MYOM1: variants seen among roughly 807,000 people sequenced by gnomAD.
MYOM1 encodes the protein myomesin-1.
A neutral mutation model predicts 205.3 loss-of-function variants in MYOM1; 164 were observed. The observed-to-expected ratio is 0.80, with a 90% CI of 0.70 to 0.91. The LOEUF is 0.91. Ranked by LOEUF, MYOM1 falls within the 40% of genes least tolerant of loss-of-function variation. The pLI is 0.00. For missense variants in MYOM1, 2,011 were observed against 2,127.3 expected, an observed-to-expected ratio of 0.95 and a Z score of 1.08; for synonymous variants, 772 against 789.4, an observed-to-expected ratio of 0.98 and a Z score of 0.37.
rs913259879 is a variant in MYOM1 at position 3,129,481 on chromosome 18, C to T, written c.2545G>A (p.Asp849Asn). Residue 849 changes from aspartate to asparagine, a missense_variant, in exon 18 of 38, where the codon GAT becomes AAT. By Grantham distance (23) the Asp-to-Asn change is conservative. Transcript: ENST00000356443. ...VSPDVCPALS[D>N]EPGGLTASRG... ...GAGGCGGTTAGTCCACCAGGCTCAT[C>T]GCTCAGTGCGGGACACACATCTGGA... is the stretch of plus-strand genomic sequence containing the variant. 8 of 1,613,866 alleles carry T rather than the reference C, an allele frequency of 5.0e-6. No individual in the cohort carries two copies. Among genetic ancestry groups the T allele is most frequent in the African/African-American group, 1.3e-5 (1 of 75,038 alleles).
At chr18:3,202,080 G>A (rs2144211334) in intron 2 of MYOM1, among the ~76,000 whole-genome samples, 1 of 152,254 alleles carries the variant, frequency 6.6e-6, no homozygotes, top group East Asian at 1.9e-4. Flanking sequence ...CTATATTAGA[G>A]GAAAGTTTCT....
chr18:3,081,995 G>A (rs1433207335), intron 33 of MYOM1, among the ~76,000 whole-genome samples: 4 of 152,208 alleles, frequency 2.6e-5, no homozygotes, highest in Admixed American at 2.0e-4. Flanking sequence ...AGACCAGGTC[G>A]GGGGTGGGTT....
At chr18:3,188,205 A>G (rs945797904) in intron 4 of MYOM1, among the ~76,000 whole-genome samples, 3 of 152,122 alleles carry the variant, frequency 2.0e-5, no homozygotes, top group Admixed American at 6.5e-5. Context: ...CTTAAAACCT[A>G]AAATTCCATG....
chr18:3,142,037 C>G lies in MYOM1; in HGVS notation c.1927G>C (p.Asp643His). Residue 643 changes from aspartate (D) to histidine (H), a missense_variant, in exon 14 of 38, where the codon GAC (aspartate) becomes CAC (histidine). Coordinates refer to ENST00000356443, the MANE Select transcript of MYOM1 (RefSeq NM_003803.4). ...SEGIVPGPPT[D>H]LSVTEATRSY... ...CGGGTGGCCTCAGTGACAGAGAGGT[C>G]TGTCGGGGGGCCAGGCACAATACCC... 2 of 1,613,770 alleles carry G rather than the reference C, an allele frequency of 1.2e-6. No individual in the cohort carries two copies. The highest frequency in any genetic ancestry group is 2.7e-5 in the African/African-American group (2 of 74,990).
chr18:3,227,729 G>T, the MYOM1 span, among the ~76,000 whole-genome samples: 1 of 152,092 alleles, frequency 6.6e-6, no homozygotes, highest in African/African-American at 2.4e-5. Context: ...TGAGGCAGGA[G>T]AATCGCTTGA....
At chr18:3,072,700 G>GTT (rs397948100) in intron 36 of MYOM1, among the ~76,000 whole-genome samples, 1 of 149,680 alleles carries the variant, frequency 6.7e-6, no homozygotes, top group African/African-American at 2.5e-5. Context: ...GTGTGTGTGT[G>GTT]GGGGGCGGTG....
chr18:3,132,031 T>TTA (rs33960225), intron 16 of MYOM1, among the ~76,000 whole-genome samples: 15 of 146,092 alleles, frequency 1.0e-4, no homozygotes, highest in African/African-American at 3.7e-4. Context: ...ATTAATATTA[T>TTA]TATATATATG....
chr18:3,146,167 G>A (rs770334205), intron 13 of MYOM1, among the ~76,000 whole-genome samples: 63 of 151,880 alleles, frequency 4.1e-4, no homozygotes, highest in Non-Finnish European at 3.1e-4. Context: ...GGCTCTGCTG[G>A]TAAATTATAC....
chr18:3,178,347 C>T (rs764120899), intron 5 of MYOM1, among the ~76,000 whole-genome samples: 1 of 152,192 alleles, frequency 6.6e-6, no homozygotes, highest in Non-Finnish European at 1.5e-5. Flanking sequence ...CAGGAACTTG[C>T]CCAGTCACAC....
intron 10 of MYOM1, among the ~76,000 whole-genome samples, chr18:3,158,433 G>C (rs1174811595): frequency 6.6e-6 from 1 of 152,084 alleles, no homozygotes; most frequent in African/African-American, 2.4e-5. Flanking sequence ...CTTAGAACTA[G>C]AATTGTTGGA....
chr18:3,143,066 T>C (rs1488529669), intron 13 of MYOM1, among the ~76,000 whole-genome samples: 2 of 152,022 alleles, frequency 1.3e-5, no homozygotes, highest in Non-Finnish European at 2.9e-5. Flanking sequence ...ACAAGATATA[T>C]GAAGAAAGCT....
At chr18:3,185,683 AT>A (rs941291265) in intron 5 of MYOM1, among the ~76,000 whole-genome samples, 2 of 152,106 alleles carry the variant, frequency 1.3e-5, no homozygotes, top group African/African-American at 4.8e-5. Flanking sequence ...TTGTAAATTG[AT>A]TTTTTTAAAC....
chr18:3,188,867 T>C lies in MYOM1; in HGVS notation c.652A>G (p.Arg218Gly). Residue 218 changes from arginine (R) to glycine (G), a missense_variant, in exon 4 of 38, where the codon AGG becomes GGG. Coordinates refer to ENST00000356443, the MANE Select transcript of MYOM1 (RefSeq NM_003803.4). ...GCCTGTTTGGAAACCACAGACTGCCTGGATGCCGTGGACTGCCTGGATGCC... is the reference window on the plus strand; with the variant it reads ...GCCTGTTTGGAAACCACAGACTGCCCGGATGCCGTGGACTGCCTGGATGCC... ...STASRQSTAS[R>G]QSVVSKQATS... 1 of 1,609,146 alleles carries C rather than the reference T, an allele frequency of 6.2e-7. No homozygotes were observed. Among genetic ancestry groups the C allele is most frequent in the Non-Finnish European group, 8.5e-7 (1 of 1,176,220 alleles).
intron 26 of MYOM1, among the ~76,000 whole-genome samples, chr18:3,093,010 G>A (rs1268226623): frequency 6.6e-6 from 1 of 152,150 alleles, no homozygotes; most frequent in Non-Finnish European, 1.5e-5. Flanking sequence ...TGACCAGGTG[G>A]TGATCACAGC....
intron 8 of MYOM1, among the ~76,000 whole-genome samples, chr18:3,170,006 G>C (rs1365630495): frequency 1.3e-5 from 2 of 152,270 alleles, no homozygotes; most frequent in East Asian, 3.9e-4. Flanking sequence ...AACATAGATG[G>C]AACTAGAGGA....
intron 10 of MYOM1, among the ~76,000 whole-genome samples, chr18:3,155,456 CCT>C (rs1016302745): frequency 2.6e-5 from 4 of 152,202 alleles, no homozygotes; most frequent in African/African-American, 9.6e-5. Flanking sequence ...GATCTCCTGA[CCT>C]TGTGATCCGC....
At chr18:3,174,084 CA>C (rs2080599403) in intron 7 of MYOM1, 35 bp downstream of exon 7, 2 of 1,608,664 alleles carry the variant, frequency 1.2e-6, no homozygotes, top group Non-Finnish European at 1.7e-6. Flanking sequence ...TAAAAACACA[CA>C]CACACTTTGA....
intron 4 of MYOM1, among the ~76,000 whole-genome samples, chr18:3,188,070 T>C (rs1050910345): frequency 1.3e-5 from 2 of 151,942 alleles, no homozygotes; most frequent in Non-Finnish European, 2.9e-5. Flanking sequence ...CTCGAACTCC[T>C]GTCCTCAAGT....
intron 23 of MYOM1, 52 bp from the exon 24 acceptor site, chr18:3,100,478 C>A: frequency 7.5e-7 from 1 of 1,327,696 alleles, no homozygotes; most frequent in South Asian, 1.2e-5. Context: ...GATCTGTGGG[C>A]CTGTGTTTCC....
Sources: allele counts gnomAD v4.1 joint callset (sites outside exome capture counted in the v4.1 genomes callset), GRCh38; gene constraint gnomAD v4.1.1; transcripts MANE v1.5; gene names NCBI Gene and HGNC (gene_info 2026-07-23, HGNC 2026-07-21).